The following DCC variants were observed in gnomAD, a reference collection of about 807,000 sequenced individuals.
DCC encodes the protein DCC netrin 1 receptor, also known as netrin receptor DCC.
A neutral mutation model predicts 172.5 loss-of-function variants in DCC; 58 were observed. The observed-to-expected ratio is 0.34, with a 90% confidence interval of 0.27 to 0.42. The LOEUF (loss-of-function observed/expected upper bound fraction) is 0.42. Among genes scored for constraint, DCC ranks in the 10% least tolerant of loss-of-function variants. The pLI is 1.00. For synonymous variants in DCC, 709 were observed against 644.5 expected (o/e 1.10, Z -1.52); for missense variants, 1,740 against 1,791.0 (o/e 0.97, Z 0.51).
chr18:53,340,497 C>T (rs1159756483), intron 15 of DCC, among the ~76,000 whole-genome samples: 2 of 152,084 alleles, frequency 1.3e-5, no homozygotes, highest in Admixed American at 6.6e-5. Context: ...TGTTTCCCTG[C>T]CCCTACCAAT....
intron 12 of DCC, among the ~76,000 whole-genome samples, chr18:53,221,769 A>G (rs1049328357): frequency 6.6e-6 from 1 of 152,212 alleles, no homozygotes; most frequent in Admixed American, 6.5e-5. Flanking sequence ...TCTTATAGAG[A>G]AATGAAAAAC....
chr18:53,120,410 T>C (rs1049920379), intron 7 of DCC, among the ~76,000 whole-genome samples: 5 of 151,776 alleles, frequency 3.3e-5, no homozygotes, highest in African/African-American at 1.2e-4. Context: ...CAATCTTCAG[T>C]TGAATAAAAT....
intron 9 of DCC, among the ~76,000 whole-genome samples, chr18:53,200,377 A>G (rs200193759): frequency 1.3e-5 from 2 of 152,292 alleles, no homozygotes; most frequent in East Asian, 3.9e-4. Context: ...TAGACTACAT[A>G]AAGTGCCTTA....
At chr18:53,271,616 C>A (rs1175674005) in intron 12 of DCC, among the ~76,000 whole-genome samples, 5 of 152,166 alleles carry the variant, frequency 3.3e-5, no homozygotes, top group Admixed American at 2.6e-4. Flanking sequence ...CAGGTCATAG[C>A]AAGGCATCTG....
At chr18:53,206,431 GTATA>G (rs1417975255) in intron 10 of DCC, among the ~76,000 whole-genome samples, 1 of 114,474 alleles carries the variant, frequency 8.7e-6, no homozygotes, top group African/African-American at 3.3e-5. Context: ...ATGTATATAT[GTATA>G]TATACATATA....
intron 1 of DCC, among the ~76,000 whole-genome samples, chr18:52,364,151 C>T (rs1202303278): frequency 6.6e-6 from 1 of 152,156 alleles, no homozygotes; most frequent in Admixed American, 6.5e-5. Context: ...TATTTAAATA[C>T]CACACATTTT....
intron 2 of DCC, among the ~76,000 whole-genome samples, chr18:52,859,723 A>G (rs979533298): frequency 6.6e-6 from 1 of 152,196 alleles, no homozygotes; most frequent in Non-Finnish European, 1.5e-5. Context: ...GACAATTTTC[A>G]AGGCTACTTC....
At chr18:53,368,882 C>T (rs2058031997) in intron 15 of DCC, among the ~76,000 whole-genome samples, 1 of 151,658 alleles carries the variant, frequency 6.6e-6, no homozygotes, top group African/African-American at 2.4e-5. Context: ...ATGCGTCTTC[C>T]CCTTTATTCT....
chr18:52,557,516 G>A (rs890511739), intron 1 of DCC, among the ~76,000 whole-genome samples: 3 of 152,076 alleles, frequency 2.0e-5, no homozygotes, highest in Admixed American at 2.0e-4. Flanking sequence ...TTTATGATGA[G>A]TTATTTTAAA....
intron 2 of DCC, among the ~76,000 whole-genome samples, chr18:52,821,071 C>A (rs1375308812): frequency 6.6e-6 from 1 of 152,168 alleles, no homozygotes; most frequent in Non-Finnish European, 1.5e-5. Flanking sequence ...CTTCTCTTCT[C>A]TAAACTCTAA....
chr18:52,686,569 C>A (rs991712922), intron 1 of DCC, among the ~76,000 whole-genome samples: 1 of 152,078 alleles, frequency 6.6e-6, no homozygotes, highest in Admixed American at 6.6e-5. Context: ...CCAGAAACAC[C>A]AAATTAAGAT....
intron 1 of DCC, among the ~76,000 whole-genome samples, chr18:52,736,574 C>T (rs867439603): frequency 6.6e-6 from 1 of 152,084 alleles, no homozygotes; most frequent in Admixed American, 6.6e-5. Flanking sequence ...AAAGGAAGAA[C>T]ATTTCACTTA....
At chr18:52,997,015 T>C (rs1282500702) in intron 5 of DCC, among the ~76,000 whole-genome samples, 6 of 152,110 alleles carry the variant, frequency 3.9e-5, no homozygotes, top group Admixed American at 2.0e-4. Context: ...CTAATGCTCA[T>C]CCTTACACGT....
chr18:52,662,281 C>T (rs1460036223), intron 1 of DCC, among the ~76,000 whole-genome samples: 1 of 152,088 alleles, frequency 6.6e-6, no homozygotes, highest in East Asian at 1.9e-4. Context: ...CTAGGAGATT[C>T]AACATGTGCA....
intron 12 of DCC, among the ~76,000 whole-genome samples, chr18:53,236,020 C>T (rs983788379): frequency 3.0e-4 from 46 of 152,118 alleles, no homozygotes; most frequent in Admixed American, 7.9e-4. Flanking sequence ...GTTTCCATTT[C>T]AAGGATATTA....
intron 1 of DCC, among the ~76,000 whole-genome samples, chr18:52,538,506 C>T (rs904863473): frequency 1.3e-5 from 2 of 152,108 alleles, no homozygotes; most frequent in African/African-American, 4.8e-5. Flanking sequence ...CTAGTCTGGC[C>T]ACATTTTGTC....
intron 1 of DCC, among the ~76,000 whole-genome samples, chr18:52,516,226 T>C (rs939733780): frequency 6.6e-6 from 1 of 152,214 alleles, no homozygotes; most frequent in African/African-American, 2.4e-5. Flanking sequence ...TCAGCAGTTG[T>C]ACTCCTGGGC....
intron 13 of DCC, among the ~76,000 whole-genome samples, chr18:53,321,135 ATTAC>A (rs758326330): frequency 2.0e-5 from 3 of 152,258 alleles, no homozygotes; most frequent in Non-Finnish European, 4.4e-5. Context: ...CATGAGCGTA[ATTAC>A]TTTTATTATG....
intron 2 of DCC, among the ~76,000 whole-genome samples, chr18:52,849,795 G>T (rs2038947712): frequency 1.3e-5 from 2 of 152,130 alleles, no homozygotes; most frequent in Non-Finnish European, 2.9e-5. Context: ...TTATGTACTA[G>T]CTAGTGAAAT....
Sources: allele counts gnomAD v4.1 joint callset (sites outside exome capture counted in the v4.1 genomes callset), GRCh38; gene constraint gnomAD v4.1.1; transcripts MANE v1.5; gene names NCBI Gene and HGNC (gene_info 2026-07-23, HGNC 2026-07-21).